Variants in CDH23 observed in about 807,000 individuals in gnomAD.
CDH23 encodes cadherin-23.
In CDH23, 189 loss-of-function variants were observed where a neutral mutation model predicts 317.1. The ratio of observed to expected loss-of-function variants is 0.60; its 90% CI spans 0.53 to 0.67. CDH23 has a LOEUF of 0.67. Among genes scored for constraint, CDH23 ranks in the 30% least tolerant of loss-of-function variants. The pLI, the probability that CDH23 is intolerant of heterozygous loss-of-function variation, is 0.00. For missense variants in CDH23, 4,401 were observed against 4,592.4 expected, an observed-to-expected ratio of 0.96 and a Z score of 1.20; for synonymous variants, 1,839 against 1,876.8, an observed-to-expected ratio of 0.98 and a Z score of 0.52.
At chr10:71,645,463 C>G (rs1862792854) in intron 12 of CDH23, among the ~76,000 whole-genome samples, 1 of 152,236 alleles carries the variant, frequency 6.6e-6, no homozygotes, top group Non-Finnish European at 1.5e-5. Context: ...CCTCTCTCCT[C>G]CTCCTTCCTC....
At chr10:71,801,798 C>T (rs1202380754) in intron 53 of CDH23, among the ~76,000 whole-genome samples, 2 of 152,206 alleles carry the variant, frequency 1.3e-5, no homozygotes, top group Non-Finnish European at 2.9e-5. Flanking sequence ...ATGCACATAT[C>T]CAAACCTCAT....
In CDH23 at chr10:71,659,294, T is replaced by C. The variant is rs536125244; in HGVS notation, c.1449+12677T>C. Among the ~76,000 whole-genome samples the C allele has an allele frequency of 1.2e-3, 182 of 152,302 alleles. 1 individual carries two copies. Among genetic ancestry groups the C allele is most frequent in the African/African-American group, 4.1e-3 (172 of 41,566 alleles). On this transcript the variant is annotated intron_variant, in intron 14 of 69. Coordinates refer to ENST00000224721, the MANE Select transcript of CDH23 (RefSeq NM_022124.6). The stretch of plus-strand genomic sequence containing the variant: ...CCAGTGCCATGAGCTAGGAAGGTTA[T>C]GAGCCCTGGAACTCAGGTGACAGGG...
chr10:71,425,056 T>C (rs929894040), intron 1 of CDH23, among the ~76,000 whole-genome samples: 1 of 152,042 alleles, frequency 6.6e-6, no homozygotes, highest in African/African-American at 2.4e-5. Context: ...GGCTGACCCA[T>C]GGCTCTGCTT....
chr10:71,603,942 CAGA>C (rs1860382970), intron 9 of CDH23, among the ~76,000 whole-genome samples: 1 of 152,184 alleles, frequency 6.6e-6, no homozygotes. Context: ...GGTCAACAGG[CAGA>C]AGCACGCATC....
intron 23 of CDH23, 98 bp downstream of exon 23, chr10:71,702,309 C>T: frequency 7.4e-7 from 1 of 1,346,934 alleles, no homozygotes; most frequent in Non-Finnish European, 1.0e-6. Flanking sequence ...CCCAGGAGGT[C>T]TATGTCTGAT....
intron 11 of CDH23, among the ~76,000 whole-genome samples, chr10:71,625,130 G>T (rs1194549504): frequency 6.6e-6 from 1 of 151,964 alleles, no homozygotes; most frequent in East Asian, 1.9e-4. Context: ...GCCTCTGCTG[G>T]CATGAGACGC....
intron 3 of CDH23, among the ~76,000 whole-genome samples, chr10:71,448,175 G>T (rs1195623646): frequency 6.6e-6 from 1 of 152,236 alleles, no homozygotes; most frequent in Non-Finnish European, 1.5e-5. Context: ...GGTCCTCAGA[G>T]GCCTATGTAT....
At chr10:71,591,153 T>TG (rs1486484362) in intron 9 of CDH23, among the ~76,000 whole-genome samples, 1 of 152,040 alleles carries the variant, frequency 6.6e-6, no homozygotes, top group Non-Finnish European at 1.5e-5. Flanking sequence ...AGTAAGTTCC[T>TG]GGGGGAGATC....
intron 11 of CDH23, among the ~76,000 whole-genome samples, chr10:71,641,207 T>C (rs1862533122): frequency 1.3e-5 from 2 of 152,198 alleles, no homozygotes; most frequent in South Asian, 4.1e-4. Flanking sequence ...TGCAGTGTGG[T>C]TCCCTGGGGA....
chr10:71,662,531 C>G (rs890810128), intron 14 of CDH23, among the ~76,000 whole-genome samples: 3 of 152,118 alleles, frequency 2.0e-5, no homozygotes, highest in Non-Finnish European at 4.4e-5. Context: ...GGCGTCATTA[C>G]CAGCCCAGGT....
chr10:71,591,897 G>A (rs755947422), intron 9 of CDH23, among the ~76,000 whole-genome samples: 6 of 152,196 alleles, frequency 3.9e-5, no homozygotes, highest in African/African-American at 7.2e-5. Flanking sequence ...TGTTTTTGGC[G>A]CTGCTGCTGG....
intron 3 of CDH23, among the ~76,000 whole-genome samples, chr10:71,454,845 A>AT (rs397720434): frequency 0.58 from 82,492 of 141,112 alleles, 23,836 homozygotes; most frequent in East Asian, 0.68. Context: ...TTTACATTTT[A>AT]TTTTTTTTTT....
chr10:71,447,156 T>G (rs1850211242), intron 3 of CDH23, among the ~76,000 whole-genome samples: 1 of 152,134 alleles, frequency 6.6e-6, no homozygotes. Flanking sequence ...TCTCTACATG[T>G]GCAAAGGCAG....
In CDH23 at chr10:71,647,088, T is replaced by C; in HGVS notation, c.1449+471T>C. On this transcript the variant is annotated intron_variant, in intron 14 of 69. Coordinates refer to ENST00000224721, the MANE Select transcript of CDH23 (RefSeq NM_022124.6). ...GGGCCCTCCCAGTGTCATTTGTATC[T>C]GTCAGTACTCTTGGTTGCAAGGGAC... 3.0e-6 allele frequency: 3 copies of C among 985,334 alleles called. No individual in the cohort carries two copies. In the African/African-American group the frequency reaches 5.2e-5, roughly 17 times the overall value. The allele number at this position is 985,334 out of a possible 1,614,324, so 61.0% of individuals were successfully genotyped here.
intron 7 of CDH23, among the ~76,000 whole-genome samples, chr10:71,568,670 G>T (rs921029113): frequency 1.3e-5 from 2 of 152,160 alleles, no homozygotes; most frequent in African/African-American, 4.8e-5. Context: ...TGTGCCCTTG[G>T]CTGCTGAGCA....
At chr10:71,807,144 C>T (rs1841755798) in intron 57 of CDH23, 133 bp from the exon 58 acceptor site, 2 of 1,135,510 alleles carry the variant, frequency 1.8e-6, no homozygotes, top group Non-Finnish European at 2.5e-6. Flanking sequence ...TACAACGGTT[C>T]TACTCACCCC....
Position 71,647,019 on chromosome 10 carries a change from G to A in CDH23, c.1449+402G>A, listed in dbSNP as rs1042378315. 37 of 985,154 alleles carry A rather than the reference G, an allele frequency of 3.8e-5. No individual in the cohort carries two copies. In the South Asian group the frequency reaches 4.2e-4, roughly 11 times the overall value. 61.0% of individuals were successfully genotyped at this position (985,154 alleles called of 1,614,324 possible). The stretch of plus-strand genomic sequence containing the variant: ...GAGGGGCAGGCGCCTGGAGGGTACC[G>A]GGGCACCCCCAGCTGCCCATGGCTG... On this transcript the variant is annotated intron_variant, in intron 14 of 69. Coordinates refer to ENST00000224721, the MANE Select transcript of CDH23 (RefSeq NM_022124.6).
At chr10:71,529,471 G>A (rs1435228745) in intron 6 of CDH23, among the ~76,000 whole-genome samples, 1 of 152,186 alleles carries the variant, frequency 6.6e-6, no homozygotes, top group East Asian at 1.9e-4. Flanking sequence ...GGCCTTGTCT[G>A]GAGGAAGGAG....
At chr10:71,521,084 G>A (rs1854650383) in intron 6 of CDH23, among the ~76,000 whole-genome samples, 1 of 152,000 alleles carries the variant, frequency 6.6e-6, no homozygotes, top group African/African-American at 2.4e-5. Context: ...GAAGCCACCT[G>A]TCCATCTATT....
Sources: allele counts gnomAD v4.1 joint callset (sites outside exome capture counted in the v4.1 genomes callset), GRCh38; gene constraint gnomAD v4.1.1; transcripts MANE v1.5; gene names NCBI Gene and HGNC (gene_info 2026-07-23, HGNC 2026-07-21).